Variants in CADM1 observed in about 807,000 individuals in gnomAD.
CADM1 encodes the protein cell adhesion molecule 1.
In CADM1, 15 loss-of-function variants were observed where a neutral mutation model predicts 53.1. The observed-to-expected ratio is 0.28, with a 90% confidence interval of 0.19 to 0.44. The LOEUF is 0.44. CADM1 is among the 20% of genes least tolerant of loss of function. CADM1 has a pLI of 1.00. For synonymous variants in CADM1, 281 were observed against 243.0 expected, an observed-to-expected ratio of 1.16 and a Z score of -1.45; for missense variants, 434 against 611.3, an observed-to-expected ratio of 0.71 and a Z score of 3.06.
intron 1 of CADM1, among the ~76,000 whole-genome samples, chr11:115,339,155 T>C (rs1945354024): frequency 6.6e-6 from 1 of 150,908 alleles, no homozygotes; most frequent in Non-Finnish European, 1.5e-5. Context: ...GTTTGGTTTT[T>C]TGTTCTTGCG....
At chr11:115,478,335 A>C (rs1396817947) in intron 1 of CADM1, among the ~76,000 whole-genome samples, 1 of 152,158 alleles carries the variant, frequency 6.6e-6, no homozygotes, top group African/African-American at 2.4e-5. Context: ...AAAGTAAAGG[A>C]TATATTCAGA....
chr11:115,425,510 CA>C (rs1169851400), intron 1 of CADM1, among the ~76,000 whole-genome samples: 1 of 152,218 alleles, frequency 6.6e-6, no homozygotes, highest in African/African-American at 2.4e-5. Flanking sequence ...CGTAACGAGA[CA>C]TCTCTAGGCA....
rs188275037 is a variant in CADM1 at position 115,352,650 on chromosome 11, A to G, written c.125-112230T>C. ...CAACAGAGAAGACTTAGGAAGAAGA[A>G]GAGGAGGAGCAGGAGAAGGTAGAAA... On this transcript the variant is annotated intron_variant, in intron 1 of 11. Transcript: ENST00000331581. 2.2e-4 allele frequency among the ~76,000 whole-genome samples: 33 copies of G among 152,334 alleles called. No individual in the cohort carries two copies. The East Asian group carries it at 3.5e-3, about 16-fold the overall frequency.
intron 1 of CADM1, among the ~76,000 whole-genome samples, chr11:115,242,460 A>G (rs1227409258): frequency 2.0e-5 from 3 of 152,164 alleles, no homozygotes; most frequent in African/African-American, 7.2e-5. Flanking sequence ...GAAAAAGGAG[A>G]AGAAAATTTC....
rs1591572521 is a variant in CADM1, at chr11:115,174,253, G to A, written c.*2221C>T. On this transcript the variant is annotated 3_prime_UTR_variant, in exon 12 of 12. Transcript: ENST00000331581. ...CCCAAAAATGAGATGCCAATTCTGTGAGCAATGGTGTGATTTTTTTTTTTT... is the reference window on the plus strand; with the variant it reads ...CCCAAAAATGAGATGCCAATTCTGTAAGCAATGGTGTGATTTTTTTTTTTT... 1.0e-6 allele frequency: 1 copy of A among 981,976 alleles called. No homozygotes were observed. Among genetic ancestry groups the A allele is most frequent in the Non-Finnish European group, 1.2e-6 (1 of 829,110 alleles). 60.8% of individuals were successfully genotyped at this position (981,976 alleles called of 1,614,324 possible). A position where few individuals can be genotyped will look rare whatever the true frequency, so the allele number is the denominator to read the frequency against.
intron 1 of CADM1, among the ~76,000 whole-genome samples, chr11:115,273,495 G>T (rs1352817338): frequency 2.6e-5 from 4 of 151,940 alleles, no homozygotes; most frequent in Non-Finnish European, 5.9e-5. Flanking sequence ...TCAGACAGAG[G>T]GAAATAAATG....
chr11:115,178,007 G>A (rs1368804061), intron 11 of CADM1, among the ~76,000 whole-genome samples: 1 of 152,186 alleles, frequency 6.6e-6, no homozygotes, highest in African/African-American at 2.4e-5. Flanking sequence ...GAGGATCAGA[G>A]CAGCATGGGG....
chr11:115,223,909 C>A (rs190635769), intron 5 of CADM1, among the ~76,000 whole-genome samples: 1 of 140,170 alleles, frequency 7.1e-6, no homozygotes, highest in African/African-American at 2.6e-5. Context: ...CAATTCACTG[C>A]TTTAAAAAAA....
chr11:115,394,252 T>A (rs1471981460), intron 1 of CADM1, among the ~76,000 whole-genome samples: 1 of 152,206 alleles, frequency 6.6e-6, no homozygotes, highest in African/African-American at 2.4e-5. Context: ...ATTAGAGCTA[T>A]CCATAGATGC....
intron 1 of CADM1, among the ~76,000 whole-genome samples, chr11:115,346,393 T>A (rs953134511): frequency 6.6e-6 from 1 of 152,144 alleles, no homozygotes; most frequent in Non-Finnish European, 1.5e-5. Flanking sequence ...TGTGGGTTTT[T>A]GGTTTTTGTT....
At chr11:115,364,480 T>C (rs1170102765) in intron 1 of CADM1, among the ~76,000 whole-genome samples, 6 of 152,066 alleles carry the variant, frequency 3.9e-5, no homozygotes, top group Non-Finnish European at 7.4e-5. Context: ...CACACATCTA[T>C]CATGGCCATA....
chr11:115,350,463 A>C (rs1449415467), intron 1 of CADM1, among the ~76,000 whole-genome samples: 3 of 151,748 alleles, frequency 2.0e-5, no homozygotes, highest in Admixed American at 2.0e-4. Context: ...GAAATCCTAA[A>C]AGTGCTTTGC....
At chr11:115,291,535 G>A (rs374938977) in intron 1 of CADM1, among the ~76,000 whole-genome samples, 1 of 152,144 alleles carries the variant, frequency 6.6e-6, no homozygotes, top group Non-Finnish European at 1.5e-5. Context: ...ACCCCGCAGC[G>A]CTCAGTAGCA....
intron 1 of CADM1, among the ~76,000 whole-genome samples, chr11:115,340,933 C>A (rs1057481126): frequency 6.6e-6 from 1 of 151,574 alleles, no homozygotes. Flanking sequence ...GGATTACAGG[C>A]ATGAGCCCAC....
At chr11:115,397,075 A>C (rs1947019415) in intron 1 of CADM1, 1 of 152,164 alleles carries the variant, frequency 6.6e-6, no homozygotes, top group African/African-American at 2.4e-5. Flanking sequence ...TACATGGAAA[A>C]AAACAAAACC....
At chr11:115,408,143 G>C (rs893471840) in intron 1 of CADM1, among the ~76,000 whole-genome samples, 2 of 152,000 alleles carry the variant, frequency 1.3e-5, no homozygotes, top group Non-Finnish European at 2.9e-5. Context: ...AAAGGAGGTG[G>C]TAAATGTTGG....
At chr11:115,460,868 C>G (rs1400251861) in intron 1 of CADM1, among the ~76,000 whole-genome samples, 1 of 151,972 alleles carries the variant, frequency 6.6e-6, no homozygotes, top group Non-Finnish European at 1.5e-5. Context: ...AATCCATATA[C>G]AGCCACAGCC....
intron 1 of CADM1, among the ~76,000 whole-genome samples, chr11:115,442,471 C>G (rs913351213): frequency 6.6e-6 from 1 of 152,138 alleles, no homozygotes; most frequent in Non-Finnish European, 1.5e-5. Context: ...AAATCATCAT[C>G]TCTCCATCAG....
chr11:115,379,316 C>T (rs1453627119), intron 1 of CADM1, among the ~76,000 whole-genome samples: 3 of 152,140 alleles, frequency 2.0e-5, no homozygotes, highest in Non-Finnish European at 2.9e-5. Flanking sequence ...AAAGAAAACT[C>T]GTTTATCTTC....
Sources: allele counts gnomAD v4.1 joint callset (sites outside exome capture counted in the v4.1 genomes callset), GRCh38; gene constraint gnomAD v4.1.1; transcripts MANE v1.5; gene names NCBI Gene and HGNC (gene_info 2026-07-23, HGNC 2026-07-21).